FAM13A: variants seen among roughly 807,000 people sequenced by gnomAD.
FAM13A encodes protein FAM13A.
In FAM13A, 76 loss-of-function variants were observed where a neutral mutation model predicts 129.6. That is an observed-to-expected ratio of 0.59 (90% CI 0.49 to 0.71). FAM13A has a LOEUF of 0.71. FAM13A is among the 30% of genes least tolerant of loss of function. FAM13A has a pLI of 0.00. For missense variants in FAM13A, 1,108 were observed against 1,249.3 expected, an observed-to-expected ratio of 0.89 and a Z score of 1.70; for synonymous variants, 443 against 449.9, an observed-to-expected ratio of 0.98 and a Z score of 0.20.
chr4:88,774,746 C>T lies in FAM13A; in HGVS notation c.1458+6419G>A, dbSNP rs891473464. Among the ~76,000 whole-genome samples, 6 of 151,978 alleles carry T rather than the reference C, an allele frequency of 3.9e-5. No homozygotes were observed. The East Asian group carries it at 7.7e-4, about 20-fold the overall frequency. On this transcript the variant is annotated intron_variant, in intron 11 of 23. Coordinates refer to ENST00000264344, the MANE Select transcript of FAM13A (RefSeq NM_014883.4). ...AACGCAAAAAGGGAAAGGAGATGCA[C>T]GTAATATTTTTTTAAAAAGCAGAAT... is the stretch of plus-strand genomic sequence containing the variant.
chr4:88,942,459 T>C (rs541922904), intron 4 of FAM13A, among the ~76,000 whole-genome samples: 124 of 151,756 alleles, frequency 8.2e-4, no homozygotes, highest in African/African-American at 2.9e-3. Flanking sequence ...CCCAGCTACT[T>C]GGGAGGCTGA....
At chr4:88,935,841 C>T (rs1753763062) in intron 5 of FAM13A, among the ~76,000 whole-genome samples, 1 of 152,106 alleles carries the variant, frequency 6.6e-6, no homozygotes, top group Non-Finnish European at 1.5e-5. Flanking sequence ...CTATTTCATC[C>T]TTACTCGTTA....
chr4:89,035,810 A>G (rs942054475), intron 1 of FAM13A, among the ~76,000 whole-genome samples: 6 of 152,114 alleles, frequency 3.9e-5, no homozygotes, highest in Admixed American at 6.5e-5. Context: ...TGCCTTCACC[A>G]TAAGTGTAAG....
intron 7 of FAM13A, among the ~76,000 whole-genome samples, chr4:88,823,670 CAA>C (rs1371779042): frequency 6.6e-6 from 1 of 152,176 alleles, no homozygotes; most frequent in Non-Finnish European, 1.5e-5. Context: ...CAAAACGAAA[CAA>C]AAACACTAGC....
chr4:88,772,509 G>C (rs1720882585), intron 11 of FAM13A, among the ~76,000 whole-genome samples: 1 of 152,076 alleles, frequency 6.6e-6, no homozygotes, highest in South Asian at 2.1e-4. Flanking sequence ...TTCTCCAATG[G>C]GATGCGAGAA....
chr4:88,824,019 G>T (rs1213381918), intron 7 of FAM13A, among the ~76,000 whole-genome samples: 2 of 151,752 alleles, frequency 1.3e-5, no homozygotes, highest in African/African-American at 2.4e-5. Context: ...TTTTTTATAG[G>T]TAACACAAAA....
chr4:89,022,602 C>T (rs1232132176), intron 2 of FAM13A, among the ~76,000 whole-genome samples: 5 of 152,176 alleles, frequency 3.3e-5, no homozygotes, highest in Admixed American at 6.5e-5. Context: ...CCCCACTTCT[C>T]GTACCACACC....
intron 10 of FAM13A, among the ~76,000 whole-genome samples, chr4:88,782,390 C>T (rs1313329361): frequency 1.3e-5 from 2 of 152,060 alleles, no homozygotes; most frequent in African/African-American, 2.4e-5. Context: ...CTTTATTCTC[C>T]TCCTTCGTGG....
At chr4:88,999,290 CATAAAAATATAAAAT>C (rs1156969535) in intron 3 of FAM13A, among the ~76,000 whole-genome samples, 1 of 151,956 alleles carries the variant, frequency 6.6e-6, no homozygotes, top group Non-Finnish European at 1.5e-5. Flanking sequence ...AGGTGGTGTA[CATAAAAATATAAAAT>C]AGTCTAAATT....
At chr4:89,051,720 T>G (rs1007825829) in intron 1 of FAM13A, among the ~76,000 whole-genome samples, 2 of 151,758 alleles carry the variant, frequency 1.3e-5, no homozygotes, top group African/African-American at 4.8e-5. Context: ...AATACAAAGG[T>G]GGGTCAGGCA....
chr4:88,790,229 T>A, intron 9 of FAM13A, among the ~76,000 whole-genome samples: 1 of 151,942 alleles, frequency 6.6e-6, no homozygotes, highest in East Asian at 1.9e-4. Flanking sequence ...AAGTAGGGAG[T>A]AAAGACATGA....
At chr4:88,879,351 G>A (rs763991055) in intron 6 of FAM13A, among the ~76,000 whole-genome samples, 3 of 152,118 alleles carry the variant, frequency 2.0e-5, no homozygotes, top group Non-Finnish European at 4.4e-5. Context: ...ACATGCTATA[G>A]CATATAAGAC....
At chr4:89,028,915 T>C (rs532683034) in intron 2 of FAM13A, among the ~76,000 whole-genome samples, 1 of 151,518 alleles carries the variant, frequency 6.6e-6, no homozygotes, top group Admixed American at 6.6e-5. Flanking sequence ...CTTTTTACTG[T>C]ATAATGTACT....
At chr4:88,899,526 T>C (rs1187009643) in intron 6 of FAM13A, among the ~76,000 whole-genome samples, 1 of 151,888 alleles carries the variant, frequency 6.6e-6, no homozygotes, top group Non-Finnish European at 1.5e-5. Flanking sequence ...AATGTCATGG[T>C]GGCTAGTTAG....
chr4:89,031,863 C>A (rs527245653), intron 1 of FAM13A, among the ~76,000 whole-genome samples: 20 of 152,140 alleles, frequency 1.3e-4, no homozygotes, highest in Admixed American at 3.3e-4. Flanking sequence ...ATCACAATTC[C>A]TTGATTTATT....
chr4:88,972,241 A>G (rs1308159547), intron 4 of FAM13A, among the ~76,000 whole-genome samples: 1 of 151,398 alleles, frequency 6.6e-6, no homozygotes, highest in African/African-American at 2.4e-5. Context: ...AAGCAGGTCT[A>G]CTGTCAACAA....
chr4:88,943,477 ACTTG>A (rs1755120768), intron 4 of FAM13A, among the ~76,000 whole-genome samples: 1 of 152,220 alleles, frequency 6.6e-6, no homozygotes, highest in Non-Finnish European at 1.5e-5. Flanking sequence ...GAATAACCAA[ACTTG>A]CTTGTCAATT....
At chr4:88,979,237 C>T (rs924555428) in intron 4 of FAM13A, among the ~76,000 whole-genome samples, 1 of 152,212 alleles carries the variant, frequency 6.6e-6, no homozygotes, top group Admixed American at 6.5e-5. Flanking sequence ...GACACATTCA[C>T]GTATTGCTGC....
chr4:88,863,143 A>C (rs1300760932), intron 6 of FAM13A, among the ~76,000 whole-genome samples: 2 of 152,150 alleles, frequency 1.3e-5, no homozygotes, highest in Non-Finnish European at 2.9e-5. Context: ...CTTCAGGATG[A>C]GGACTGGCTG....
Sources: allele counts gnomAD v4.1 joint callset (sites outside exome capture counted in the v4.1 genomes callset), GRCh38; gene constraint gnomAD v4.1.1; transcripts MANE v1.5; gene names NCBI Gene and HGNC (gene_info 2026-07-23, HGNC 2026-07-21).